The following PRKD1 variants were observed in gnomAD, a reference collection of about 807,000 sequenced individuals.
The protein encoded by PRKD1 is serine/threonine-protein kinase D1.
A neutral mutation model predicts 95.9 loss-of-function variants in PRKD1; 63 were observed. That is an observed-to-expected ratio of 0.66 (90% CI 0.54 to 0.81). PRKD1 has a LOEUF of 0.81. PRKD1 is among the 30% of genes least tolerant of loss of function. The pLI, the probability that PRKD1 is intolerant of heterozygous loss-of-function variation, is 0.00. For synonymous variants in PRKD1, 425 were observed against 423.1 expected (o/e 1.00, Z -0.05); for missense variants, 1,048 against 1,165.3 (o/e 0.90, Z 1.47).
intron 1 of PRKD1, among the ~76,000 whole-genome samples, chr14:29,917,886 A>G (rs184529491): frequency 7.1e-4 from 108 of 152,306 alleles, no homozygotes; most frequent in Middle Eastern, 3.4e-3. Context: ...GAGTATGATT[A>G]TAGCAAATCT....
intron 1 of PRKD1, among the ~76,000 whole-genome samples, chr14:29,733,256 C>T (rs976869351): frequency 6.6e-6 from 1 of 151,962 alleles, no homozygotes. Flanking sequence ...GCGCCCGCCA[C>T]CACACCTGGC....
At chr14:29,820,866 A>C (rs759954474) in intron 1 of PRKD1, among the ~76,000 whole-genome samples, 4 of 152,226 alleles carry the variant, frequency 2.6e-5, no homozygotes, top group Non-Finnish European at 5.9e-5. Context: ...AGACAACATC[A>C]ACAAGGAAAG....
intron 1 of PRKD1, among the ~76,000 whole-genome samples, chr14:29,885,582 C>T (rs772669729): frequency 2.0e-5 from 3 of 151,790 alleles, no homozygotes; most frequent in Non-Finnish European, 4.4e-5. Flanking sequence ...ACAAAAAATG[C>T]TTCATCTCCT....
chr14:29,807,625 T>C (rs965900093), intron 1 of PRKD1, among the ~76,000 whole-genome samples: 2 of 152,010 alleles, frequency 1.3e-5, no homozygotes, highest in South Asian at 2.1e-4. Flanking sequence ...CTCACACTTC[T>C]TGAGCTCAAG....
intron 2 of PRKD1, among the ~76,000 whole-genome samples, chr14:29,700,568 G>A (rs1436866908): frequency 1.3e-5 from 2 of 152,082 alleles, no homozygotes; most frequent in African/African-American, 4.8e-5. Context: ...AACTTTTTGG[G>A]CAAGAATGCT....
intron 9 of PRKD1, among the ~76,000 whole-genome samples, chr14:29,631,429 C>A (rs1457708010): frequency 6.6e-6 from 1 of 151,732 alleles, no homozygotes; most frequent in African/African-American, 2.4e-5. Flanking sequence ...GCACTCAATA[C>A]ATGTTAATGT....
chr14:29,663,971 A>G lies in PRKD1; in HGVS notation c.536-112T>C, dbSNP rs931175569. 4 of 1,110,218 alleles carry G rather than the reference A, an allele frequency of 3.6e-6. No homozygotes were observed. The Admixed American group carries it at 1.1e-4, about 30-fold the overall frequency. The allele number at this position is 1,110,218 out of a possible 1,614,324, so 68.8% of individuals were successfully genotyped here. On this transcript the variant is annotated intron_variant, in intron 3 of 17. Coordinates refer to ENST00000331968, the MANE Select transcript of PRKD1 (RefSeq NM_002742.3). Reference sequence around the variant, plus strand: ...TAGTACAGCTTCCATTTTCCTTGAGAGTATTTGGAAATTCACATTTTCTTT... The same window carrying G: ...TAGTACAGCTTCCATTTTCCTTGAGGGTATTTGGAAATTCACATTTTCTTT...
At chr14:29,602,697 G>A (rs915856612) in intron 13 of PRKD1, among the ~76,000 whole-genome samples, 1 of 152,184 alleles carries the variant, frequency 6.6e-6, no homozygotes, top group East Asian at 1.9e-4. Context: ...CCAAAGTGCT[G>A]GGATTACAGG....
intron 1 of PRKD1, among the ~76,000 whole-genome samples, chr14:29,787,712 A>G (rs1025215436): frequency 1.3e-5 from 2 of 151,854 alleles, no homozygotes; most frequent in African/African-American, 4.8e-5. Flanking sequence ...CTTTCATTTT[A>G]TGTGTGTCTA....
rs538157347 is a variant in PRKD1, at chr14:29,660,597, C to T, written c.696+3102G>A. On this transcript the variant is annotated intron_variant, in intron 4 of 17. Transcript: ENST00000331968. ...TATCTGATTAAAGTTTTCCTTTACA[C>T]CTAGGAACAGACGTTCTACAACAGA... 2.0e-5 allele frequency among the ~76,000 whole-genome samples: 3 copies of T among 152,214 alleles called. No homozygotes were observed. The East Asian group carries it at 5.8e-4, about 29-fold the overall frequency.
At chr14:29,847,418 G>A (rs1892123505) in intron 1 of PRKD1, among the ~76,000 whole-genome samples, 2 of 152,070 alleles carry the variant, frequency 1.3e-5, no homozygotes, top group African/African-American at 2.4e-5. Context: ...CTCCAATAGT[G>A]AGAAGTAAGT....
At chr14:29,606,746 A>G (rs925057835) in intron 13 of PRKD1, among the ~76,000 whole-genome samples, 2 of 152,212 alleles carry the variant, frequency 1.3e-5, no homozygotes, top group Admixed American at 1.3e-4. Flanking sequence ...TAAAGAATTG[A>G]AAATGGGCTA....
At chr14:29,737,292 G>A (rs1288990352) in intron 1 of PRKD1, among the ~76,000 whole-genome samples, 1 of 120,350 alleles carries the variant, frequency 8.3e-6, no homozygotes, top group Non-Finnish European at 1.6e-5. Context: ...ACTGCAGTCC[G>A]CAGTCCGGCC....
At chr14:29,638,418 T>C (rs1318276748) in intron 6 of PRKD1, 71 bp downstream of exon 6, 1 of 1,553,582 alleles carries the variant, frequency 6.4e-7, no homozygotes, top group African/African-American at 1.4e-5. Context: ...CCAAAAACCC[T>C]GACTAAAATT....
chr14:29,735,567 C>CTTTAT (rs1886673356), intron 1 of PRKD1, among the ~76,000 whole-genome samples: 2 of 152,130 alleles, frequency 1.3e-5, no homozygotes, highest in Non-Finnish European at 2.9e-5. Context: ...AATAACAGCT[C>CTTTAT]AACTTTATAA....
intron 2 of PRKD1, among the ~76,000 whole-genome samples, chr14:29,676,480 G>A (rs1010181289): frequency 6.6e-6 from 1 of 152,066 alleles, no homozygotes; most frequent in African/African-American, 2.4e-5. Context: ...TCAGCGTCCC[G>A]AATAGCTGGG....
chr14:29,797,077 G>T (rs1889849533), intron 1 of PRKD1, among the ~76,000 whole-genome samples: 1 of 152,148 alleles, frequency 6.6e-6, no homozygotes, highest in Admixed American at 6.6e-5. Context: ...AGAAAGTATT[G>T]TTACCTAGAA....
At chr14:29,847,272 A>G (rs1255469032) in intron 1 of PRKD1, among the ~76,000 whole-genome samples, 2 of 152,228 alleles carry the variant, frequency 1.3e-5, no homozygotes, top group Non-Finnish European at 2.9e-5. Context: ...ATAAATGGAA[A>G]AAACAAGACC....
intron 1 of PRKD1, among the ~76,000 whole-genome samples, chr14:29,769,569 T>A (rs780822934): frequency 5.9e-5 from 9 of 151,672 alleles, no homozygotes; most frequent in East Asian, 1.9e-4. Flanking sequence ...CCGAAAAAAA[T>A]AAATAAATAA....
Sources: gnomAD v4.1 joint callset for allele counts (sites outside exome capture counted in the v4.1 genomes callset) on GRCh38, gnomAD v4.1.1 for gene constraint, MANE v1.5 for transcripts, NCBI Gene and HGNC (gene_info 2026-07-23, HGNC 2026-07-21) for gene names.